The following FSD1L variants were observed in gnomAD, a reference collection of about 807,000 sequenced individuals.
FSD1L encodes the protein FSD1-like protein.
Under a neutral mutation model 71.6 loss-of-function variants are expected in FSD1L, and 45 were observed. The observed-to-expected ratio is 0.63, with a 90% CI of 0.49 to 0.81. FSD1L has a LOEUF of 0.81. Ranked by LOEUF, FSD1L falls within the 30% of genes least tolerant of loss-of-function variation. The pLI, the probability that FSD1L is intolerant of heterozygous loss-of-function variation, is 0.00. For synonymous variants in FSD1L, 197 were observed against 207.2 expected, an observed-to-expected ratio of 0.95 and a Z score of 0.42; for missense variants, 561 against 618.1, an observed-to-expected ratio of 0.91 and a Z score of 0.98.
At chr9:105,463,822 TAAATA>T (rs1564082892) in intron 2 of FSD1L, among the ~76,000 whole-genome samples, 1 of 152,228 alleles carries the variant, frequency 6.6e-6, no homozygotes, top group African/African-American at 2.4e-5. Context: ...TTTTTGTAAA[TAAATA>T]AAATGTTGAT....
intron 7 of FSD1L, among the ~76,000 whole-genome samples, chr9:105,494,726 A>T (rs954679664): frequency 1.3e-5 from 2 of 152,126 alleles, no homozygotes; most frequent in Middle Eastern, 3.4e-3. Context: ...AACAGACAGG[A>T]CCTCAGCTGC....
At chr9:105,485,533 G>GGTTTTT (rs1554705301) in intron 7 of FSD1L, among the ~76,000 whole-genome samples, 5 of 79,412 alleles carry the variant, frequency 6.3e-5, no homozygotes, top group Non-Finnish European at 9.3e-5. Context: ...TTGGTTAGGT[G>GGTTTTT]TTTTTTTTTT....
chr9:105,504,688 C>T (rs1833949541), intron 7 of FSD1L, among the ~76,000 whole-genome samples: 2 of 152,136 alleles, frequency 1.3e-5, no homozygotes, highest in African/African-American at 4.8e-5. Flanking sequence ...TATGCACATC[C>T]TCCCATATAC....
At chr9:105,492,540 A>G (rs1833025256) in intron 7 of FSD1L, among the ~76,000 whole-genome samples, 1 of 152,066 alleles carries the variant, frequency 6.6e-6, no homozygotes, top group South Asian at 2.1e-4. Flanking sequence ...GCCTTCTGGT[A>G]GCTTTTGAAT....
At chr9:105,498,244 C>T (rs1362256782) in intron 7 of FSD1L, among the ~76,000 whole-genome samples, 1 of 137,288 alleles carries the variant, frequency 7.3e-6, no homozygotes, top group Non-Finnish European at 1.6e-5. Context: ...TTTACCAAGG[C>T]GAAAGCTTAA....
intron 10 of FSD1L, among the ~76,000 whole-genome samples, chr9:105,515,956 C>T (rs1834692995): frequency 6.6e-6 from 1 of 152,176 alleles, no homozygotes; most frequent in Non-Finnish European, 1.5e-5. Flanking sequence ...GAAATTCTTG[C>T]TGCCAGCACA....
At chr9:105,520,523 A>G in intron 10 of FSD1L, 2 of 1,174,804 alleles carry the variant, frequency 1.7e-6, no homozygotes, top group South Asian at 2.5e-5. Flanking sequence ...ATTTTTGAGA[A>G]AATTTTACAA....
At chr9:105,468,156 G>T in intron 3 of FSD1L, 37 bp from the exon 4 acceptor site, 1 of 1,323,390 alleles carries the variant, frequency 7.6e-7, no homozygotes, top group Non-Finnish European at 9.7e-7. Context: ...GTTTGATAGC[G>T]CTTCAGTAAA....
At chr9:105,478,832 G>A (rs1479990337) in intron 5 of FSD1L, among the ~76,000 whole-genome samples, 6 of 152,188 alleles carry the variant, frequency 3.9e-5, no homozygotes, top group Non-Finnish European at 7.4e-5. Flanking sequence ...TAGAATTGCA[G>A]CCTAGTTGTA....
At chr9:105,448,934 A>G (rs533736421) in intron 1 of FSD1L, among the ~76,000 whole-genome samples, 1 of 152,368 alleles carries the variant, frequency 6.6e-6, no homozygotes, top group East Asian at 1.9e-4. Context: ...GTAAAGGTTC[A>G]ATTCAGAAGT....
At chr9:105,493,751 C>G (rs1436064852) in intron 7 of FSD1L, among the ~76,000 whole-genome samples, 1 of 151,852 alleles carries the variant, frequency 6.6e-6, no homozygotes, top group African/African-American at 2.4e-5. Context: ...ATTTCTCCTT[C>G]ACTTATGAAG....
At chr9:105,503,056 A>AT (rs374326151) in intron 7 of FSD1L, among the ~76,000 whole-genome samples, 2 of 150,902 alleles carry the variant, frequency 1.3e-5, no homozygotes, top group Non-Finnish European at 3.0e-5. Context: ...AATTTTTCTG[A>AT]TTTTTTTGTC....
At position 105,546,543 on chromosome 9, in the gene FSD1L, C is replaced by A. The variant is rs1487534461; in HGVS notation, c.*60C>A. On this transcript the variant is annotated 3_prime_UTR_variant, in exon 14 of 14. Transcript: ENST00000481272. ...TTAGGTGGCCTTTTCTGTGCAGTTA[C>A]TAATCACAGGAATTTGGTAGTAGTG... 4.9e-6 allele frequency: 7 copies of A among 1,441,304 alleles called. No individual in the cohort carries two copies. The African/African-American group carries it at 8.7e-5, about 18-fold the overall frequency. 89.3% of individuals were successfully genotyped at this position (1,441,304 alleles called of 1,614,324 possible). A position where few individuals can be genotyped will look rare whatever the true frequency, so the allele number is the denominator to read the frequency against.
intron 12 of FSD1L, among the ~76,000 whole-genome samples, chr9:105,538,733 C>A (rs1836423651): frequency 6.6e-6 from 1 of 152,000 alleles, no homozygotes; most frequent in African/African-American, 2.4e-5. Context: ...CTCAGGAGTT[C>A]AAGCCCAGCT....
intron 13 of FSD1L, among the ~76,000 whole-genome samples, chr9:105,539,650 C>T (rs1475432999): frequency 6.6e-6 from 1 of 152,084 alleles, no homozygotes; most frequent in East Asian, 1.9e-4. Context: ...CCTCAGAAGC[C>T]CCCTCTAGTG....
intron 7 of FSD1L, 21 bp from the exon 8 acceptor site, chr9:105,506,378 T>TC (rs754225087): frequency 4.0e-6 from 6 of 1,503,768 alleles, no homozygotes; most frequent in African/African-American, 2.8e-5. Flanking sequence ...AATGAGTCTT[T>TC]TTTTTTTTTC....
At chr9:105,450,962 T>C (rs537429000) in intron 1 of FSD1L, among the ~76,000 whole-genome samples, 1 of 152,304 alleles carries the variant, frequency 6.6e-6, no homozygotes, top group East Asian at 1.9e-4. Flanking sequence ...TGTAGACATT[T>C]TTCCTTTTTT....
intron 7 of FSD1L, among the ~76,000 whole-genome samples, chr9:105,488,601 C>T (rs953099573): frequency 6.6e-6 from 1 of 152,112 alleles, no homozygotes; most frequent in Admixed American, 6.5e-5. Flanking sequence ...AACTGTCTTC[C>T]TAAGTGTCTG....
chr9:105,540,391 T>C (rs890567462), intron 13 of FSD1L, among the ~76,000 whole-genome samples: 1 of 152,068 alleles, frequency 6.6e-6, no homozygotes, highest in Non-Finnish European at 1.5e-5. Context: ...TTTTCCTTAT[T>C]GGTATTGTTT....
Sources: allele counts gnomAD v4.1 joint callset (sites outside exome capture counted in the v4.1 genomes callset), GRCh38; gene constraint gnomAD v4.1.1; transcripts MANE v1.5; gene names NCBI Gene and HGNC (gene_info 2026-07-23, HGNC 2026-07-21).